Variants in GJA4 observed in about 807,000 individuals in gnomAD.
GJA4 encodes gap junction alpha-4 protein.
A neutral mutation model predicts 25.1 loss-of-function variants in GJA4; 13 were observed. That is an observed-to-expected ratio of 0.52 (90% CI 0.34 to 0.82). The LOEUF is 0.82. Ranked by LOEUF, GJA4 falls within the 40% of genes least tolerant of loss-of-function variation. GJA4 has a pLI of 0.02. For synonymous variants in GJA4, 167 were observed against 193.9 expected, an observed-to-expected ratio of 0.86 and a Z score of 1.15; for missense variants, 357 against 443.5, an observed-to-expected ratio of 0.80 and a Z score of 1.75.
At position 34,794,821 on chromosome 1, in the gene GJA4, CCACGGAGAAGACCATCTTCAT is replaced by C. The variant is rs1164908313; in HGVS notation, c.611_631del (p.Thr204_Ile210del). ...CTCGTGGACTGCTTTGTCTCTCGCCCCACGGAGAAGACCATCTTCATCATCTTCATGTTGGTGGTTGGACTC... is the reference window on the plus strand; with the variant it reads ...CTCGTGGACTGCTTTGTCTCTCGCCCCATCTTCATGTTGGTGGTTGGACTC... On this transcript the variant is annotated inframe_deletion, in exon 2 of 2. Transcript: ENST00000342280. The surrounding 1 kb of genome is among the most constrained non-coding windows in gnomAD (Gnocchi z 7.8). 1.3e-5 allele frequency: 21 copies of C among 1,613,984 alleles called. No homozygotes were observed. The highest frequency in any genetic ancestry group is 1.8e-5 in the Non-Finnish European group (21 of 1,180,004).
Position 34,794,335 on chromosome 1 carries a change from G to A in GJA4, c.122G>A (p.Gly41Asp), listed in dbSNP as rs201140778. ...CGCATCCTCATCCTGGGCCTGGCCG[G>A]CGAGTCAGTGTGGGGTGACGAGCAA... ...IFRILILGLAGESVWGDEQSD... is the reference protein window; with the variant it reads ...IFRILILGLADESVWGDEQSD... The change falls in exon 2 of 2, where the codon GGC becomes GAC. Residue 41 changes from glycine (G) to aspartate (D), a missense_variant. Physicochemically the swap from Gly to Asp is moderately conservative, Grantham distance 94. Coordinates refer to ENST00000342280, the MANE Select transcript of GJA4 (RefSeq NM_002060.3). The surrounding 1 kb of genome is among the most constrained non-coding windows in gnomAD (Gnocchi z 7.8). The A allele has an allele frequency of 6.2e-7, 1 of 1,614,222 alleles. No homozygotes were observed. The highest frequency in any genetic ancestry group is 8.5e-7 in the Non-Finnish European group (1 of 1,180,034).
chr1:34,794,843 C>G lies in GJA4; in HGVS notation c.630C>G (p.Ile210Met). The change falls in exon 2 of 2, where the codon ATC becomes ATG. Residue 210 changes from isoleucine to methionine, a missense_variant. Around this residue, in one of 2 missense-constraint regions of GJA4, gnomAD observed 278 missense variants for 298.1 expected, o/e 0.93. Coordinates refer to ENST00000342280, the MANE Select transcript of GJA4 (RefSeq NM_002060.3). The surrounding 1 kb of genome is among the most constrained non-coding windows in gnomAD (Gnocchi z 7.8). The stretch of plus-strand genomic sequence containing the variant: ...GCCCCACGGAGAAGACCATCTTCAT[C>G]ATCTTCATGTTGGTGGTTGGACTCA... ...VSRPTEKTIFIIFMLVVGLIS... is the reference protein window; with the variant it reads ...VSRPTEKTIFMIFMLVVGLIS... The G allele has an allele frequency of 1.9e-6, 3 of 1,614,136 alleles. No individual in the cohort carries two copies. Among genetic ancestry groups the G allele is most frequent in the Non-Finnish European group, 2.5e-6 (3 of 1,180,016 alleles).
At position 34,793,049 on chromosome 1, in the gene GJA4, GGCC is replaced by G. The variant is rs1640208459; in HGVS notation, c.-33_-31del. On this transcript the variant is annotated 5_prime_UTR_variant, in exon 1 of 2. Transcript: ENST00000342280. ...CGGCCATCGTCCCCACCTCCACCTGGGCCGCCCGGCAGGCAGGCGGTGAGTCGG... is the reference window on the plus strand; with the variant it reads ...CGGCCATCGTCCCCACCTCCACCTGGGCCCGGCAGGCAGGCGGTGAGTCGG... 2.9e-6 allele frequency: 1 copy of G among 339,684 alleles called. No individual in the cohort carries two copies. The highest frequency in any genetic ancestry group is 2.2e-5 in the African/African-American group (1 of 45,962). The allele number at this position is 339,684 out of a possible 1,614,324, so 21.0% of individuals were successfully genotyped here.
In GJA4 at chr1:34,794,725, A is replaced by G. The variant is rs774328100; in HGVS notation, c.512A>G (p.Tyr171Cys). Residue 171 changes from tyrosine to cysteine, a missense_variant, in exon 2 of 2, where the codon TAT becomes TGT. Transcript: ENST00000342280. The surrounding 1 kb of genome is among the most constrained non-coding windows in gnomAD (Gnocchi z 7.8). Reference sequence around the variant, plus strand: ...AGTGTGCTAGAGGCAGGCTTCCTCTATGGCCAGTGGCGCCTGTACGGCTGG... The same window carrying G: ...AGTGTGCTAGAGGCAGGCTTCCTCTGTGGCCAGTGGCGCCTGTACGGCTGG... Reference protein sequence around the residue: ...CKSVLEAGFLYGQWRLYGWTM... With the variant: ...CKSVLEAGFLCGQWRLYGWTM... The G allele has an allele frequency of 6.2e-7, 1 of 1,613,500 alleles. No homozygotes were observed. The highest frequency in any genetic ancestry group is 1.1e-5 in the South Asian group (1 of 91,072).
Position 34,794,957 on chromosome 1 carries a change from A to AC in GJA4, c.749dup (p.Thr251AspfsTer38). The AC allele has an allele frequency of 6.2e-7, 1 of 1,613,610 alleles. No individual in the cohort carries two copies. Among genetic ancestry groups the AC allele is most frequent in the Non-Finnish European group, 8.5e-7 (1 of 1,179,892 alleles). On this transcript the variant is annotated frameshift_variant, in exon 2 of 2. Coordinates refer to ENST00000342280, the MANE Select transcript of GJA4 (RefSeq NM_002060.3). LOFTEE classifies it high-confidence loss of function. The surrounding 1 kb of genome is among the most constrained non-coding windows in gnomAD (Gnocchi z 7.8). Reference sequence around the variant, plus strand: ...TGAGGGCACGGCAAGGCCAAGACGCACCCCCGACCCAGGGCACCTCCTCAG... The same window carrying AC: ...TGAGGGCACGGCAAGGCCAAGACGCACCCCCCGACCCAGGGCACCTCCTCAG...
chr1:34,795,083 C>G lies in GJA4; in HGVS notation c.870C>G (p.Asn290Lys), dbSNP rs754246542. 1 of 1,613,818 alleles carries G rather than the reference C, an allele frequency of 6.2e-7. No homozygotes were observed. The change falls in exon 2 of 2, where the codon AAC becomes AAG. Residue 290 changes from asparagine to lysine, a missense_variant. Physicochemically the swap from Asn to Lys is moderately conservative, Grantham distance 94. Transcript: ENST00000342280. ...TYNGLSSSEQ[N>K]WANLTTEERL... ...ATGGGCTCTCATCCAGTGAGCAGAA[C>G]TGGGCCAACCTGACCACAGAGGAGA...
In GJA4 at chr1:34,794,403, G is replaced by A. The variant is rs900776990; in HGVS notation, c.190G>A (p.Val64Ile). The A allele has an allele frequency of 1.2e-5, 19 of 1,614,112 alleles. No homozygotes were observed. The highest frequency in any genetic ancestry group is 4.0e-5 in the African/African-American group (3 of 74,932). ...CNTAQPGCTNVCYDQAFPISH... is the reference protein window; with the variant it reads ...CNTAQPGCTNICYDQAFPISH... ...CACGGCCCAGCCAGGCTGCACCAAC[G>A]TCTGCTATGACCAGGCCTTCCCCAT... is the stretch of plus-strand genomic sequence containing the variant. Residue 64 changes from valine (V) to isoleucine (I), a missense_variant, in exon 2 of 2, where the codon GTC (valine) becomes ATC (isoleucine). By Grantham distance (29) the Val-to-Ile change is conservative. Transcript: ENST00000342280. The surrounding 1 kb of genome is among the most constrained non-coding windows in gnomAD (Gnocchi z 7.8).
At position 34,794,126 on chromosome 1, in the gene GJA4, C is replaced by A; in HGVS notation, c.-17-71C>A. 7.8e-7 allele frequency: 1 copy of A among 1,274,682 alleles called. No individual in the cohort carries two copies. Among genetic ancestry groups the A allele is most frequent in the African/African-American group, 1.5e-5 (1 of 68,208 alleles). The allele number at this position is 1,274,682 out of a possible 1,614,324, so 79.0% of individuals were successfully genotyped here. ...GGTAGAACGGGCGTGGCAGACCTCCCTGCAGGCTTGTTGCTGGGCGAACGA... is the reference window on the plus strand; with the variant it reads ...GGTAGAACGGGCGTGGCAGACCTCCATGCAGGCTTGTTGCTGGGCGAACGA... On this transcript the variant is annotated intron_variant, in intron 1 of 1. Transcript: ENST00000342280. This position sits in a 1 kb window ranked among gnomAD's most constrained non-coding sequence, Gnocchi z 7.8.
At position 34,794,294 on chromosome 1, in the gene GJA4, G is replaced by A. The variant is rs773751623; in HGVS notation, c.81G>A (p.Thr27=). The stretch of plus-strand genomic sequence containing the variant: ...CCGTGGTGGGTAAGATCTGGCTGAC[G>A]GTGCTCTTCATCTTCCGCATCCTCA... ...HSTVVGKIWL[T]VLFIFRILIL... The change falls in exon 2 of 2, where the codon ACG becomes ACA. Residue 27 remains threonine (T), a synonymous_variant. Coordinates refer to ENST00000342280, the MANE Select transcript of GJA4 (RefSeq NM_002060.3). The surrounding 1 kb of genome is among the most constrained non-coding windows in gnomAD (Gnocchi z 7.8). 10 of 1,614,164 alleles carry A rather than the reference G, an allele frequency of 6.2e-6. No homozygotes were observed. The highest frequency in any genetic ancestry group is 1.6e-4 in the Middle Eastern group (1 of 6,062).
chr1:34,795,179 T>C lies in GJA4; in HGVS notation c.966T>C (p.Arg322=). ...AGAATGGCCAAAAACCCCCAAGTCG[T>C]CCCAGCAGCTCTGCTTCTAAGAAGC... The part of the protein sequence containing the change: ...PPQNGQKPPS[R]PSSSASKKQY... The change falls in exon 2 of 2, where the codon CGT becomes CGC. Residue 322 remains arginine, a synonymous_variant. Coordinates refer to ENST00000342280, the MANE Select transcript of GJA4 (RefSeq NM_002060.3). 6.2e-7 allele frequency: 1 copy of C among 1,612,418 alleles called. No individual in the cohort carries two copies. Among genetic ancestry groups the C allele is most frequent in the Non-Finnish European group, 8.5e-7 (1 of 1,179,040 alleles).
chr1:34,795,080 G>A lies in GJA4; in HGVS notation c.867G>A (p.Gln289=), dbSNP rs1249262556. The A allele has an allele frequency of 5.6e-6, 9 of 1,613,692 alleles. No individual in the cohort carries two copies. The highest frequency in any genetic ancestry group is 7.6e-6 in the Non-Finnish European group (9 of 1,179,942). ...PTYNGLSSSE[Q]NWANLTTEER... is the part of the protein sequence containing the mutation. ...ACAATGGGCTCTCATCCAGTGAGCA[G>A]AACTGGGCCAACCTGACCACAGAGG... Residue 289 remains glutamine, a synonymous_variant, in exon 2 of 2, where the codon CAG becomes CAA. Transcript: ENST00000342280.
At position 34,795,026 on chromosome 1, in the gene GJA4, G is replaced by A; in HGVS notation, c.813G>A (p.Gln271=). 1 of 1,613,062 alleles carries A rather than the reference G, an allele frequency of 6.2e-7. No homozygotes were observed. The stretch of plus-strand genomic sequence containing the variant: ...TCTTCTTCTACCTCCCCGTGGGCCA[G>A]GGGCCCTCATCCCCACCATGCCCCA... ...DQVFFYLPVG[Q]GPSSPPCPTY... The change falls in exon 2 of 2, where the codon CAG becomes CAA. Residue 271 remains glutamine, a synonymous_variant. Coordinates refer to ENST00000342280, the MANE Select transcript of GJA4 (RefSeq NM_002060.3).
rs375197445 is a variant in GJA4 at position 34,795,063 on chromosome 1, C to T, written c.850C>T (p.Leu284Phe). 3.1e-6 allele frequency: 5 copies of T among 1,613,656 alleles called. No individual in the cohort carries two copies. Among genetic ancestry groups the T allele is most frequent in the Non-Finnish European group, 4.2e-6 (5 of 1,179,830 alleles). Reference protein sequence around the residue: ...SSPPCPTYNGLSSSEQNWANL... With the variant: ...SSPPCPTYNGFSSSEQNWANL... ...CCCACCATGCCCCACCTACAATGGG[C>T]TCTCATCCAGTGAGCAGAACTGGGC... Residue 284 changes from leucine to phenylalanine, a missense_variant, in exon 2 of 2, where the codon CTC (leucine) becomes TTC (phenylalanine). Physicochemically the swap from Leu to Phe is conservative, Grantham distance 22 (BLOSUM62 0). Around this residue, in one of 2 missense-constraint regions of GJA4, gnomAD observed 278 missense variants for 298.1 expected, o/e 0.93. Transcript: ENST00000342280.
rs1019250375 is a variant in GJA4 at position 34,795,546 on chromosome 1, A to G, written c.*331A>G. ...AGCCAACTTACCCCAACCTCACCCT[A>G]TGGAACAGTCACCTGTGCGCAGGTT... On this transcript the variant is annotated 3_prime_UTR_variant, in exon 2 of 2. Coordinates refer to ENST00000342280, the MANE Select transcript of GJA4 (RefSeq NM_002060.3). 13 of 278,626 alleles carry G rather than the reference A, an allele frequency of 4.7e-5. No individual in the cohort carries two copies. The highest frequency in any genetic ancestry group is 9.8e-5 in the Admixed American group (2 of 20,370). 17.3% of individuals were successfully genotyped at this position (278,626 alleles called of 1,614,324 possible).
In GJA4 at chr1:34,794,175, G is replaced by C. The variant is rs76777831; in HGVS notation, c.-17-22G>C. The C allele has an allele frequency of 5.3e-4, 841 of 1,592,702 alleles. 9 individuals carry two copies. The East Asian group carries it at 0.017, about 33-fold the overall frequency. Reference sequence around the variant, plus strand: ...GAGAAGGATGCCATGCTGACACACTGACGTGCTCTGTCTCCTTGCAGACGG... The same window carrying C: ...GAGAAGGATGCCATGCTGACACACTCACGTGCTCTGTCTCCTTGCAGACGG... On this transcript the variant is annotated intron_variant, in intron 1 of 1. Coordinates refer to ENST00000342280, the MANE Select transcript of GJA4 (RefSeq NM_002060.3). The surrounding 1 kb of genome is among the most constrained non-coding windows in gnomAD (Gnocchi z 7.8).
At chr1:34,793,648 C>T (rs1342482650) in intron 1 of GJA4, among the ~76,000 whole-genome samples, 2 of 152,208 alleles carry the variant, frequency 1.3e-5, no homozygotes, top group Non-Finnish European at 2.9e-5. Flanking sequence ...TACCCAGCCC[C>T]TGCAGGCTCA....
Position 34,794,418 on chromosome 1 carries a change from G to A in GJA4, c.205G>A (p.Ala69Thr), listed in dbSNP as rs753468300. The A allele has an allele frequency of 6.2e-7, 1 of 1,614,222 alleles. No individual in the cohort carries two copies. Among genetic ancestry groups the A allele is most frequent in the Non-Finnish European group, 8.5e-7 (1 of 1,180,038 alleles). Residue 69 changes from alanine to threonine, a missense_variant, in exon 2 of 2, where the codon GCC (alanine) becomes ACC (threonine). By Grantham distance (58) the Ala-to-Thr change is moderately conservative. Coordinates refer to ENST00000342280, the MANE Select transcript of GJA4 (RefSeq NM_002060.3). This position sits in a 1 kb window ranked among gnomAD's most constrained non-coding sequence, Gnocchi z 7.8. ...PGCTNVCYDQ[A>T]FPISHIRYWV... ...CTGCACCAACGTCTGCTATGACCAGGCCTTCCCCATCTCCCACATCCGCTA... is the reference window on the plus strand; with the variant it reads ...CTGCACCAACGTCTGCTATGACCAGACCTTCCCCATCTCCCACATCCGCTA...
intron 1 of GJA4, 85 bp downstream of exon 1, chr1:34,793,153 G>C (rs887137248): frequency 1.2e-5 from 3 of 249,920 alleles, no homozygotes; most frequent in Non-Finnish European, 2.4e-5. Flanking sequence ...ATGCCGGGAC[G>C]GGGGTTGCTG....
Position 34,794,942 on chromosome 1 carries a change from G to A in GJA4, c.729G>A (p.Arg243=), listed in dbSNP as rs749765856. 5.3e-5 allele frequency: 85 copies of A among 1,614,016 alleles called. No individual in the cohort carries two copies. Among genetic ancestry groups the A allele is most frequent in the Non-Finnish European group, 6.9e-5 (82 of 1,180,012 alleles). ...GCCTCAGCCGGGGGATGAGGGCACG[G>A]CAAGGCCAAGACGCACCCCCGACCC... The part of the protein sequence containing the change: ...CRCLSRGMRA[R]QGQDAPPTQG... The change falls in exon 2 of 2, where the codon CGG becomes CGA. Residue 243 remains arginine, a synonymous_variant. Coordinates refer to ENST00000342280, the MANE Select transcript of GJA4 (RefSeq NM_002060.3). This position sits in a 1 kb window ranked among gnomAD's most constrained non-coding sequence, Gnocchi z 7.8.
Sources: allele counts gnomAD v4.1 joint callset (sites outside exome capture counted in the v4.1 genomes callset), GRCh38; gene constraint gnomAD v4.1.1; regional missense constraint gnomAD v4.1.1; non-coding constraint Gnocchi (gnomAD v3.1); transcripts MANE v1.5; gene names NCBI Gene and HGNC (gene_info 2026-07-23, HGNC 2026-07-21).